Variants in DPP10 observed in about 807,000 individuals in gnomAD.
DPP10 encodes the protein dipeptidyl peptidase like 10.
Under a neutral mutation model 120.9 loss-of-function variants are expected in DPP10, and 33 were observed. The ratio of observed to expected loss-of-function variants is 0.27; its 90% CI spans 0.21 to 0.37. DPP10 has a LOEUF of 0.37. Ranked by LOEUF, DPP10 falls within the 10% of genes least tolerant of loss-of-function variation. The probability of loss-of-function intolerance (pLI) is 1.00; values close to 1 mark genes in which losing one functional copy is unlikely to be tolerated. For synonymous variants in DPP10, 337 were observed against 326.1 expected (o/e 1.03, Z -0.36); for missense variants, 816 against 942.8 (o/e 0.87, Z 1.76).
chr2:115,576,554 T>A (rs1017754616), intron 5 of DPP10, among the ~76,000 whole-genome samples: 10 of 152,188 alleles, frequency 6.6e-5, no homozygotes, highest in African/African-American at 2.4e-4. Flanking sequence ...GGACTCCAGT[T>A]GAATTTGTCA....
intron 1 of DPP10, among the ~76,000 whole-genome samples, chr2:114,774,891 G>A (rs1440663026): frequency 6.6e-6 from 1 of 151,718 alleles, no homozygotes. Context: ...TACTAATTAT[G>A]GAACGAACCC....
intron 1 of DPP10, among the ~76,000 whole-genome samples, chr2:115,215,312 T>G (rs1262372183): frequency 6.6e-6 from 1 of 152,200 alleles, no homozygotes; most frequent in Non-Finnish European, 1.5e-5. Context: ...CAATAATGAA[T>G]TTTTAAATTT....
At chr2:115,103,230 C>T (rs1357778121) in intron 1 of DPP10, among the ~76,000 whole-genome samples, 3 of 149,302 alleles carry the variant, frequency 2.0e-5, no homozygotes, top group Non-Finnish European at 4.4e-5. Flanking sequence ...CTGTGTCGCC[C>T]AGGCTGGAGT....
chr2:114,654,741 G>A (rs980285168), intron 1 of DPP10, among the ~76,000 whole-genome samples: 2 of 152,020 alleles, frequency 1.3e-5, no homozygotes, highest in African/African-American at 4.8e-5. Context: ...CCTTCCAGTT[G>A]AGGGCTGTTT....
chr2:114,535,364 T>A (rs1460033396), intron 1 of DPP10, among the ~76,000 whole-genome samples: 1 of 152,236 alleles, frequency 6.6e-6, no homozygotes, highest in African/African-American at 2.4e-5. Flanking sequence ...CTAAAAGTGC[T>A]GGGTAATAAT....
At chr2:114,551,469 A>G (rs968378165) in intron 1 of DPP10, among the ~76,000 whole-genome samples, 3 of 152,220 alleles carry the variant, frequency 2.0e-5, no homozygotes, top group Non-Finnish European at 4.4e-5. Context: ...TGCAGAGCTA[A>G]AGTGAATTGA....
At chr2:115,061,139 T>C (rs1373509825) in intron 1 of DPP10, among the ~76,000 whole-genome samples, 1 of 152,126 alleles carries the variant, frequency 6.6e-6, no homozygotes, top group Non-Finnish European at 1.5e-5. Flanking sequence ...ATAAACAATA[T>C]TGAGAAATGT....
intron 1 of DPP10, among the ~76,000 whole-genome samples, chr2:114,982,551 A>G (rs776298932): frequency 1.3e-5 from 2 of 152,224 alleles, no homozygotes; most frequent in Admixed American, 6.5e-5. Flanking sequence ...GCAAAATAAC[A>G]AAATATGAAA....
intron 1 of DPP10, among the ~76,000 whole-genome samples, chr2:115,242,459 T>C (rs1180013362): frequency 6.6e-6 from 1 of 152,248 alleles, no homozygotes; most frequent in Non-Finnish European, 1.5e-5. Flanking sequence ...CAAATTGTGC[T>C]GCTATAAGCA....
intron 5 of DPP10, among the ~76,000 whole-genome samples, chr2:115,679,055 C>T (rs189252184): frequency 1.0e-3 from 152 of 152,240 alleles, no homozygotes; most frequent in Non-Finnish European, 1.7e-3. Context: ...ATTTTACAGG[C>T]TTATAGGCAA....
chr2:114,512,578 A>G (rs934845664), intron 1 of DPP10, among the ~76,000 whole-genome samples: 1 of 152,220 alleles, frequency 6.6e-6, no homozygotes, highest in Admixed American at 6.5e-5. Context: ...AAAGTGCTAA[A>G]TACCGCAGGC....
At chr2:115,032,224 T>A (rs1703892820) in intron 1 of DPP10, among the ~76,000 whole-genome samples, 1 of 151,282 alleles carries the variant, frequency 6.6e-6, no homozygotes, top group African/African-American at 2.4e-5. Context: ...GCCAAGAATA[T>A]ACAGCAGAGC....
chr2:115,459,938 T>TATATATATATATACACACACAC (rs66927327), intron 3 of DPP10, among the ~76,000 whole-genome samples: 107 of 128,524 alleles, frequency 8.3e-4, no homozygotes, highest in East Asian at 2.9e-3. Context: ...TATATATATA[T>TATATATATATATACACACACAC]ACACACACAC....
Position 115,309,334 on chromosome 2 carries a change from A to G in DPP10, c.156A>G (p.Ser52=). 2 of 1,613,354 alleles carry G rather than the reference A, an allele frequency of 1.2e-6. No homozygotes were observed. The highest frequency in any genetic ancestry group is 1.7e-6 in the Non-Finnish European group (2 of 1,179,512). Residue 52 remains serine (S), a synonymous_variant, in exon 2 of 26, where the codon TCA becomes TCG. Coordinates refer to ENST00000410059, the MANE Select transcript of DPP10 (RefSeq NM_020868.6). ...TTGTATGCTCACTCATCACTATGTC[A>G]GTCATCCTCTTAACCCCAGGTAATC... ...ILVVCSLITM[S]VILLTPDELT... is the part of the protein sequence containing the mutation.
At chr2:115,647,719 G>C (rs752644654) in intron 5 of DPP10, among the ~76,000 whole-genome samples, 98 of 152,126 alleles carry the variant, frequency 6.4e-4, no homozygotes, top group Non-Finnish European at 1.3e-3. Context: ...TCTGATGAGG[G>C]CTTTTTTTGC....
At chr2:115,352,052 A>G (rs2064069730) in intron 3 of DPP10, among the ~76,000 whole-genome samples, 1 of 152,088 alleles carries the variant, frequency 6.6e-6, no homozygotes, top group African/African-American at 2.4e-5. Context: ...ACCAAGAGAG[A>G]GAAAAGGGAT....
At chr2:114,910,524 G>A (rs1047881791) in intron 1 of DPP10, among the ~76,000 whole-genome samples, 12 of 151,976 alleles carry the variant, frequency 7.9e-5, no homozygotes, top group African/African-American at 2.2e-4. Flanking sequence ...TTTAAAACAC[G>A]TTTTCTCATT....
chr2:115,596,397 AT>A (rs894906247), intron 5 of DPP10, among the ~76,000 whole-genome samples: 63 of 151,936 alleles, frequency 4.1e-4, no homozygotes, highest in Non-Finnish European at 4.3e-4. Context: ...TGATTTAAGT[AT>A]TTTTTTTCCT....
At chr2:115,662,075 T>A (rs897137110) in intron 5 of DPP10, among the ~76,000 whole-genome samples, 5 of 152,176 alleles carry the variant, frequency 3.3e-5, no homozygotes, top group Non-Finnish European at 7.4e-5. Flanking sequence ...CTTCTATATG[T>A]TTGATGATTT....
Sources: gnomAD v4.1 joint callset for allele counts (sites outside exome capture counted in the v4.1 genomes callset) on GRCh38, gnomAD v4.1.1 for gene constraint, MANE v1.5 for transcripts, NCBI Gene and HGNC (gene_info 2026-07-23, HGNC 2026-07-21) for gene names.